The following TRIM35 variants were observed in gnomAD, a reference collection of about 807,000 sequenced individuals.
TRIM35 encodes the protein tripartite motif containing 35.
A neutral mutation model predicts 49.1 loss-of-function variants in TRIM35; 37 were observed. The ratio of observed to expected loss-of-function variants is 0.75; its 90% CI spans 0.58 to 0.99. The LOEUF (loss-of-function observed/expected upper bound fraction) is 0.99. Among genes scored for constraint, TRIM35 ranks in the 50% least tolerant of loss-of-function variants. TRIM35 has a pLI of 0.00. For missense variants in TRIM35, 648 were observed against 702.7 expected (o/e 0.92, Z 0.88); for synonymous variants, 302 against 289.3 (o/e 1.04, Z -0.45).
rs776049150 is a variant in TRIM35, at chr8:27,288,024, C to T, written c.1008G>A (p.Pro336=). 30 of 1,613,612 alleles carry T rather than the reference C, an allele frequency of 1.9e-5. No individual in the cohort carries two copies. The highest frequency in any genetic ancestry group is 1.2e-4 in the South Asian group (11 of 91,084). The part of the protein sequence containing the change: ...NHGYRVQVEN[P]ERFSSAPCLL... ...GGCAGGGCGCCGAGGAGAAGCGTTC[C>T]GGGTTCTCCACCTGCACGCGGTAGC... The change falls in exon 6 of 6, where the codon CCG becomes CCA. Residue 336 remains proline, a synonymous_variant. Transcript: ENST00000305364.
intron 5 of TRIM35, among the ~76,000 whole-genome samples, chr8:27,288,752 C>T (rs75494866): frequency 0.022 from 3,282 of 152,274 alleles, 125 homozygotes; most frequent in African/African-American, 0.074. Context: ...TAGGACAGCA[C>T]GGCCCATTCC....
At chr8:27,293,274 C>G (rs1407299666) in intron 3 of TRIM35, among the ~76,000 whole-genome samples, 1 of 151,944 alleles carries the variant, frequency 6.6e-6, no homozygotes, top group Non-Finnish European at 1.5e-5. Flanking sequence ...AGTTTACAGA[C>G]CAGCTTTCGA....
intron 1 of TRIM35, among the ~76,000 whole-genome samples, chr8:27,309,742 G>C (rs1802866373): frequency 1.3e-5 from 2 of 151,980 alleles, no homozygotes; most frequent in African/African-American, 4.8e-5. Context: ...CAGTAGTTTG[G>C]GAGGCAGAGG....
At chr8:27,289,332 G>A in intron 4 of TRIM35, 52 bp from the exon 5 acceptor site, 1 of 1,458,406 alleles carries the variant, frequency 6.9e-7, no homozygotes. Flanking sequence ...TGCAACCTGG[G>A]CCGAACTGGG....
intron 1 of TRIM35, among the ~76,000 whole-genome samples, chr8:27,301,938 C>T (rs1410931080): frequency 6.6e-6 from 1 of 152,194 alleles, no homozygotes; most frequent in African/African-American, 2.4e-5. Flanking sequence ...AAGACCATTA[C>T]TGCCCACTGG....
At chr8:27,304,829 G>A (rs777314273) in intron 1 of TRIM35, 3 of 456,702 alleles carry the variant, frequency 6.6e-6, no homozygotes, top group Non-Finnish European at 8.8e-6. Flanking sequence ...CCACTGGTGA[G>A]TTGGTAAAAA....
At chr8:27,294,950 G>A (rs1802536156) in intron 2 of TRIM35, among the ~76,000 whole-genome samples, 1 of 152,040 alleles carries the variant, frequency 6.6e-6, no homozygotes, top group Admixed American at 6.5e-5. Flanking sequence ...AGCCTCCCGA[G>A]TAGCTGGGAC....
chr8:27,287,414 A>G lies in TRIM35; in HGVS notation c.*136T>C. The G allele has an allele frequency of 1.0e-6, 1 of 962,572 alleles. No homozygotes were observed. The allele number at this position is 962,572 out of a possible 1,614,324, so 59.6% of individuals were successfully genotyped here. On this transcript the variant is annotated 3_prime_UTR_variant, in exon 6 of 6. Transcript: ENST00000305364. This position sits in a 1 kb window ranked among gnomAD's most constrained non-coding sequence, Gnocchi z 6.0. Reference sequence around the variant, plus strand: ...GAGAGGCACAGCCTGGAGTCATGGAAAAGGACCAGGCAGGACAGGAGGAAG... The same window carrying G: ...GAGAGGCACAGCCTGGAGTCATGGAGAAGGACCAGGCAGGACAGGAGGAAG...
Position 27,286,040 on chromosome 8 carries a change from A to T in TRIM35, c.*1510T>A. On this transcript the variant is annotated 3_prime_UTR_variant, in exon 6 of 6. Coordinates refer to ENST00000305364, the MANE Select transcript of TRIM35 (RefSeq NM_171982.5). ...AACCAATTAATACGTGTGAGTCATG[A>T]TTTGTTTAAAATGTCAGCTTTTGTG... The T allele has an allele frequency of 2.2e-6, 1 of 454,534 alleles. No homozygotes were observed. Among genetic ancestry groups the T allele is most frequent in the South Asian group, 1.6e-5 (1 of 64,310 alleles). The allele number at this position is 454,534 out of a possible 1,614,324, so 28.2% of individuals were successfully genotyped here. A position where few individuals can be genotyped will look rare whatever the true frequency, so the allele number is the denominator to read the frequency against.
At chr8:27,296,437 G>A (rs186102106) in intron 2 of TRIM35, among the ~76,000 whole-genome samples, 151 of 152,286 alleles carry the variant, frequency 9.9e-4, no homozygotes, top group Non-Finnish European at 1.3e-3. Flanking sequence ...CACTGTAAAG[G>A]AACAAACACC....
In TRIM35 at chr8:27,298,521, C is replaced by A. The variant is rs1212397559; in HGVS notation, c.474G>T (p.Lys158Asn). 3 of 1,614,248 alleles carry A rather than the reference C, an allele frequency of 1.9e-6. No homozygotes were observed. The Admixed American group carries it at 5.0e-5, about 27-fold the overall frequency. Residue 158 changes from lysine to asparagine, a missense_variant, in exon 2 of 6, where the codon AAG (lysine) becomes AAT (asparagine). Physicochemically the swap from Lys to Asn is moderately conservative, Grantham distance 94. Coordinates refer to ENST00000305364, the MANE Select transcript of TRIM35 (RefSeq NM_171982.5). ...GCCGCATGGCCCAGAAGGCCTTGGC[C>A]TTCTCCCGCAGTGCATGCTCCATGT... ...CRNMEHALRE[K>N]AKAFWAMRRS...
intron 1 of TRIM35, 107 bp from the exon 2 acceptor site, chr8:27,298,666 G>A: frequency 1.1e-6 from 1 of 894,452 alleles, no homozygotes; most frequent in Non-Finnish European, 1.8e-6. Flanking sequence ...CAACACAAGT[G>A]TAACTCAACT....
rs201064381 is a variant in TRIM35 at position 27,287,778 on chromosome 8, C to T, written c.1254G>A (p.Ser418=). ...GGCGTGGGATGGCCAGGACCAGGGGCGACGTGGCTGGGTCCGAGGTCACGC... is the reference window on the plus strand; with the variant it reads ...GGCGTGGGATGGCCAGGACCAGGGGTGACGTGGCTGGGTCCGAGGTCACGC... ...DHCVTSDPAT[S]PLVLAIPRRL... is the part of the protein sequence containing the mutation. The change falls in exon 6 of 6, where the codon TCG becomes TCA. Residue 418 remains serine, a synonymous_variant. Coordinates refer to ENST00000305364, the MANE Select transcript of TRIM35 (RefSeq NM_171982.5). The surrounding 1 kb of genome is among the most constrained non-coding windows in gnomAD (Gnocchi z 6.0). 26 of 1,609,884 alleles carry T rather than the reference C, an allele frequency of 1.6e-5. No homozygotes were observed. The highest frequency in any genetic ancestry group is 1.7e-4 in the Middle Eastern group (1 of 6,054).
chr8:27,289,159 C>A lies in TRIM35; in HGVS notation c.904+3G>T. The A allele has an allele frequency of 6.2e-7, 1 of 1,613,200 alleles. No homozygotes were observed. Among genetic ancestry groups the A allele is most frequent in the South Asian group, 1.1e-5 (1 of 91,004 alleles). On this transcript the variant is annotated splice_donor_region_variant and intron_variant, in intron 5 of 5. Transcript: ENST00000305364. ...TGGGACACCTGCCGGCACCCCCGCTCACCAGATTCCACAGATGCAAGCATC... is the reference window on the plus strand; with the variant it reads ...TGGGACACCTGCCGGCACCCCCGCTAACCAGATTCCACAGATGCAAGCATC...
Position 27,287,825 on chromosome 8 carries a change from G to C in TRIM35, c.1207C>G (p.Gln403Glu). The C allele has an allele frequency of 6.2e-7, 1 of 1,612,042 alleles. No homozygotes were observed. Among genetic ancestry groups the C allele is most frequent in the South Asian group, 1.1e-5 (1 of 90,824 alleles). ...ACGCAGTGGTCCCCCTCCACGCCCT[G>C]CGTGCGGCAGACATACCAGAAGCCC... is the stretch of plus-strand genomic sequence containing the variant. ...RSGFWYVCRT[Q>E]GVEGDHCVTS... Residue 403 changes from glutamine (Q) to glutamate (E), a missense_variant, in exon 6 of 6, where the codon CAG becomes GAG. Transcript: ENST00000305364. The surrounding 1 kb of genome is among the most constrained non-coding windows in gnomAD (Gnocchi z 6.0).
At chr8:27,299,824 G>A (rs1802647922) in intron 1 of TRIM35, among the ~76,000 whole-genome samples, 1 of 152,188 alleles carries the variant, frequency 6.6e-6, no homozygotes. Context: ...GCATGTGGGA[G>A]GGACATGACT....
intron 1 of TRIM35, among the ~76,000 whole-genome samples, chr8:27,308,206 G>A (rs1184687741): frequency 6.6e-6 from 1 of 152,188 alleles, no homozygotes; most frequent in Non-Finnish European, 1.5e-5. Flanking sequence ...GAACAAACTT[G>A]TGCTATTTTA....
intron 1 of TRIM35, among the ~76,000 whole-genome samples, chr8:27,306,518 G>A (rs1021939155): frequency 1.3e-5 from 2 of 151,936 alleles, no homozygotes; most frequent in Non-Finnish European, 2.9e-5. Flanking sequence ...TAGAGATGGG[G>A]TTTCACCATA....
At chr8:27,296,235 C>G (rs995114627) in intron 2 of TRIM35, among the ~76,000 whole-genome samples, 1 of 151,234 alleles carries the variant, frequency 6.6e-6, no homozygotes, top group Non-Finnish European at 1.5e-5. Context: ...TAAATGTGCG[C>G]CATGGTGGTC....
Sources: gnomAD v4.1 joint callset for allele counts (sites outside exome capture counted in the v4.1 genomes callset) on GRCh38, gnomAD v4.1.1 for gene constraint, Gnocchi (gnomAD v3.1) non-coding constraint, MANE v1.5 for transcripts, NCBI Gene and HGNC (gene_info 2026-07-23, HGNC 2026-07-21) for gene names.